TULP2: variants seen among roughly 807,000 people sequenced by gnomAD.
TULP2 encodes tubby-related protein 2.
Under a neutral mutation model 60.3 loss-of-function variants are expected in TULP2, and 64 were observed. That is an observed-to-expected ratio of 1.06 (90% CI 0.87 to 1.31). The LOEUF is 1.31. Among genes scored for constraint, TULP2 ranks in the 50% most tolerant of loss-of-function variants. The pLI is 0.00. For synonymous variants in TULP2, 267 were observed against 265.4 expected (o/e 1.01, Z -0.06); for missense variants, 652 against 667.0 (o/e 0.98, Z 0.25).
rs2037142070 is a variant in TULP2, at chr19:48,882,320, T to G, written c.1276-117A>C. On this transcript the variant is annotated intron_variant, in intron 11 of 12. Coordinates refer to ENST00000221399, the MANE Select transcript of TULP2 (RefSeq NM_003323.3). ...CATCTTGAACAGGGGCTGGGTAAAA[T>G]GAGGATGAGACCTGCTGGGCTGCGT... The G allele has an allele frequency of 1.0e-5, 12 of 1,164,326 alleles. No individual in the cohort carries two copies. In the South Asian group the frequency reaches 1.4e-4, roughly 14 times the overall value. 72.1% of individuals were successfully genotyped at this position (1,164,326 alleles called of 1,614,324 possible). A position where few individuals can be genotyped will look rare whatever the true frequency, so the allele number is the denominator to read the frequency against.
Position 48,895,358 on chromosome 19 carries a change from G to T in TULP2, c.349+8C>A, listed in dbSNP as rs976346060. The T allele has an allele frequency of 1.9e-6, 3 of 1,612,950 alleles. No homozygotes were observed. The highest frequency in any genetic ancestry group is 2.5e-6 in the Non-Finnish European group (3 of 1,179,350). On this transcript the variant is annotated splice_region_variant and intron_variant, in intron 5 of 12. Transcript: ENST00000221399. Reference sequence around the variant, plus strand: ...TGGGGTCTAGGAGGTCGGTGGACTCGCAAATACCTGCTTCTGTCCGCGGTG... The same window carrying T: ...TGGGGTCTAGGAGGTCGGTGGACTCTCAAATACCTGCTTCTGTCCGCGGTG...
intron 6 of TULP2, among the ~76,000 whole-genome samples, chr19:48,892,757 C>T (rs2037245473): frequency 6.6e-6 from 1 of 151,818 alleles, no homozygotes; most frequent in Non-Finnish European, 1.5e-5. Flanking sequence ...TCCCAAAGTG[C>T]TGGGATTACA....
chr19:48,886,637 G>A (rs2037181769), intron 8 of TULP2, among the ~76,000 whole-genome samples: 1 of 152,152 alleles, frequency 6.6e-6, no homozygotes, highest in Non-Finnish European at 1.5e-5. Context: ...TAGATTGAGA[G>A]AAGTGGGGCT....
chr19:48,895,394 G>T lies in TULP2; in HGVS notation c.321C>A (p.Arg107=). Residue 107 remains arginine (R), a synonymous_variant, in exon 5 of 13, where the codon CGC becomes CGA. Coordinates refer to ENST00000221399, the MANE Select transcript of TULP2 (RefSeq NM_003323.3). The part of the protein sequence containing the change: ...VSCGGDGRGE[R]GLPTPRTEAV... ...CTTCTGTCCGCGGTGTCGGGAGGCC[G>T]CGCTCGCCCCTGCCGTCTCCACCAC... 2 of 1,613,898 alleles carry T rather than the reference G, an allele frequency of 1.2e-6. No individual in the cohort carries two copies. Among genetic ancestry groups the T allele is most frequent in the Non-Finnish European group, 8.5e-7 (1 of 1,179,886 alleles).
rs556596318 is a variant in TULP2, at chr19:48,897,669, T to G, written c.32+168A>C. Reference sequence around the variant, plus strand: ...ACCCCTTCTCTTTCAGACCCAGAAGTCTGCACCCTAGCCCCATCCCTTCAG... The same window carrying G: ...ACCCCTTCTCTTTCAGACCCAGAAGGCTGCACCCTAGCCCCATCCCTTCAG... On this transcript the variant is annotated intron_variant, in intron 2 of 12. Transcript: ENST00000221399. This position sits in a 1 kb window ranked among gnomAD's most constrained non-coding sequence, Gnocchi z 4.0. Among the ~76,000 whole-genome samples, 100 of 152,200 alleles carry G rather than the reference T, an allele frequency of 6.6e-4. 1 individual carries two copies. The highest frequency in any genetic ancestry group is 2.2e-3 in the African/African-American group (92 of 41,536).
chr19:48,897,574 G>A lies in TULP2; in HGVS notation c.33-178C>T. ...TATAGGGCCCTTTCTCCTGGCACTG[G>A]CCCACAGAAGCCGGGACCCAGAGAT... On this transcript the variant is annotated intron_variant, in intron 2 of 12. Transcript: ENST00000221399. This position sits in a 1 kb window ranked among gnomAD's most constrained non-coding sequence, Gnocchi z 4.0. The A allele has an allele frequency of 1.4e-6, 1 of 709,726 alleles. No homozygotes were observed. The highest frequency in any genetic ancestry group is 2.4e-6 in the Non-Finnish European group (1 of 424,760). 44.0% of individuals were successfully genotyped at this position (709,726 alleles called of 1,614,324 possible).
chr19:48,892,872 ATCTC>A (rs1199140047), intron 6 of TULP2, among the ~76,000 whole-genome samples: 1 of 151,494 alleles, frequency 6.6e-6, no homozygotes, highest in Non-Finnish European at 1.5e-5. Context: ...TAACGATCTG[ATCTC>A]TCTTTCTTTT....
intron 11 of TULP2, 38 bp from the exon 12 acceptor site, chr19:48,882,241 C>A (rs756240586): frequency 2.5e-6 from 4 of 1,611,388 alleles, no homozygotes; most frequent in Non-Finnish European, 3.4e-6. Flanking sequence ...TTCTCAGAGG[C>A]TTTCGAAACT....
chr19:48,882,755 G>A (rs1403755038), intron 11 of TULP2, among the ~76,000 whole-genome samples: 1 of 152,150 alleles, frequency 6.6e-6, no homozygotes, highest in Non-Finnish European at 1.5e-5. Flanking sequence ...CTTCAAATAA[G>A]GAAGAGGAAC....
Position 48,884,013 on chromosome 19 carries a change from A to G in TULP2, c.1095T>C (p.Phe365=), listed in dbSNP as rs1404467681. 2 of 1,614,002 alleles carry G rather than the reference A, an allele frequency of 1.2e-6. No individual in the cohort carries two copies. The highest frequency in any genetic ancestry group is 1.7e-6 in the Non-Finnish European group (2 of 1,180,040). The change falls in exon 10 of 13, where the codon TTT becomes TTC. Residue 365 remains phenylalanine (F), a synonymous_variant. Coordinates refer to ENST00000221399, the MANE Select transcript of TULP2 (RefSeq NM_003323.3). ...CCCGGTCAGGATTCACCCCATTGTC[A>G]AAGATGGTGAACTTGGTGCTGAAGA... is the stretch of plus-strand genomic sequence containing the variant. The part of the protein sequence containing the change: ...SNVFSTKFTI[F]DNGVNPDREH...
chr19:48,890,211 C>A (rs374757551), intron 6 of TULP2, among the ~76,000 whole-genome samples: 1 of 152,222 alleles, frequency 6.6e-6, no homozygotes, highest in African/African-American at 2.4e-5. Context: ...AGGGAAAAAC[C>A]GCCTTCGGGC....
rs768877524 is a variant in TULP2 at position 48,883,920 on chromosome 19, C to T, written c.1176+12G>A. 3 of 1,613,878 alleles carry T rather than the reference C, an allele frequency of 1.9e-6. No individual in the cohort carries two copies. Among genetic ancestry groups the T allele is most frequent in the African/African-American group, 2.7e-5 (2 of 74,876 alleles). The stretch of plus-strand genomic sequence containing the variant: ...CTATCCTACCCCATTCTCTCATCCC[C>T]AGGACACTCACATAACACACAGCCC... On this transcript the variant is annotated intron_variant, in intron 10 of 12. Coordinates refer to ENST00000221399, the MANE Select transcript of TULP2 (RefSeq NM_003323.3).
intron 6 of TULP2, among the ~76,000 whole-genome samples, chr19:48,894,289 T>G (rs2037258843): frequency 1.3e-5 from 2 of 152,202 alleles, no homozygotes; most frequent in Non-Finnish European, 1.5e-5. Flanking sequence ...AGCCTCAGCC[T>G]CCCAAAGTGC....
Position 48,896,424 on chromosome 19 carries a change from G to A in TULP2, c.211+6C>T. 6.3e-7 allele frequency: 1 copy of A among 1,599,784 alleles called. No individual in the cohort carries two copies. The highest frequency in any genetic ancestry group is 8.5e-7 in the Non-Finnish European group (1 of 1,175,550). On this transcript the variant is annotated splice_donor_region_variant and intron_variant, in intron 4 of 12. Transcript: ENST00000221399. ...CAGGCGAACGCCCCCAGGGGTCTTT[G>A]GTCACCTCTGTCACCTAAAAGGCGC... is the stretch of plus-strand genomic sequence containing the variant.
At chr19:48,891,630 C>T (rs897272355) in intron 6 of TULP2, among the ~76,000 whole-genome samples, 64 of 152,298 alleles carry the variant, frequency 4.2e-4, no homozygotes, top group Admixed American at 1.3e-4. Context: ...CCTCCACACC[C>T]GTGGGTATTT....
intron 3 of TULP2, 199 bp from the exon 4 acceptor site, chr19:48,896,755 AC>A: frequency 1.8e-6 from 1 of 563,936 alleles, no homozygotes. Context: ...AAGAGTCCTG[AC>A]ACCCTGTCCT....
chr19:48,884,718 C>T (rs1048944844), intron 9 of TULP2, among the ~76,000 whole-genome samples: 8 of 151,258 alleles, frequency 5.3e-5, no homozygotes, highest in Admixed American at 1.3e-4. Flanking sequence ...TGTAGTGAGC[C>T]GAGATTACGC....
intron 7 of TULP2, 87 bp downstream of exon 7, chr19:48,889,423 G>A (rs2037212544): frequency 1.3e-6 from 2 of 1,484,342 alleles, no homozygotes; most frequent in South Asian, 1.4e-5. Flanking sequence ...CTTCTGATTG[G>A]GTGGCAGAAT....
At chr19:48,894,247 C>G (rs28787645) in intron 6 of TULP2, among the ~76,000 whole-genome samples, 47,347 of 151,760 alleles carry the variant, frequency 0.31, 7,998 homozygotes, top group African/African-American at 0.44. Context: ...TGGCCAGGCT[C>G]GTCTCAAATT....
Sources: allele counts gnomAD v4.1 joint callset (sites outside exome capture counted in the v4.1 genomes callset), GRCh38; gene constraint gnomAD v4.1.1; non-coding constraint Gnocchi (gnomAD v3.1); transcripts MANE v1.5; gene names NCBI Gene and HGNC (gene_info 2026-07-23, HGNC 2026-07-21).